SOX30: variants seen among roughly 807,000 people sequenced by gnomAD.
SOX30 encodes the protein SRY-box transcription factor 30, also known as transcription factor SOX-30.
A neutral mutation model predicts 58.6 loss-of-function variants in SOX30; 17 were observed. The ratio of observed to expected loss-of-function variants is 0.29; its 90% CI spans 0.20 to 0.44. The LOEUF is 0.44. SOX30 is among the 20% of genes least tolerant of loss of function. The pLI is 1.00. For missense variants in SOX30, 951 were observed against 965.8 expected (o/e 0.98, Z 0.20); for synonymous variants, 421 against 400.2 (o/e 1.05, Z -0.62).
chr5:157,657,082 T>C (rs1759486651), upstream of SOX30, among the ~76,000 whole-genome samples: 1 of 152,300 alleles, frequency 6.6e-6, no homozygotes, highest in Non-Finnish European at 1.5e-5. Context: ...ATTGGGTTTG[T>C]CATCAATAAT....
intron 4 of SOX30, among the ~76,000 whole-genome samples, chr5:157,627,235 T>C (rs1197395307): frequency 2.0e-5 from 3 of 152,028 alleles, no homozygotes; most frequent in Non-Finnish European, 2.9e-5. Flanking sequence ...TGGTGGTGCA[T>C]GCCTGTAGTC....
rs143161047 is a variant in SOX30 at position 157,668,881 on chromosome 5, T to C, written c.-3-1029A>G. Among the ~76,000 whole-genome samples, 325 of 152,090 alleles carry C rather than the reference T, an allele frequency of 2.1e-3. 2 individuals carry two copies. The highest frequency in any genetic ancestry group is 7.6e-3 in the African/African-American group (315 of 41,500). On this transcript the variant is annotated intron_variant, in intron 1 of 5. Coordinates refer to the SOX30 transcript ENST00000519442. ...AGGAAGGTGACTTGCCAAGGTCAGGTAAGGAATTAGTGGTAGATTTGGTAC... is the reference window on the plus strand; with the variant it reads ...AGGAAGGTGACTTGCCAAGGTCAGGCAAGGAATTAGTGGTAGATTTGGTAC...
At chr5:157,659,781 G>T (rs1204596462) in intron 2 of SOX30, among the ~76,000 whole-genome samples, 1 of 152,138 alleles carries the variant, frequency 6.6e-6, no homozygotes, top group African/African-American at 2.4e-5. Flanking sequence ...AGTCCAGAGA[G>T]GTGTGACAAC....
At chr5:157,657,617 A>G (rs957781754) in intron 2 of SOX30, among the ~76,000 whole-genome samples, 2 of 152,226 alleles carry the variant, frequency 1.3e-5, no homozygotes, top group African/African-American at 4.8e-5. Context: ...AACTTTGCTT[A>G]AAATGCTGCT....
intron 4 of SOX30, among the ~76,000 whole-genome samples, chr5:157,627,783 A>C (rs1179327813): frequency 6.6e-6 from 1 of 152,124 alleles, no homozygotes; most frequent in Admixed American, 6.6e-5. Flanking sequence ...TCACAAGGTC[A>C]GGAGATCGAG....
At position 157,652,344 on chromosome 5, in the gene SOX30, C is replaced by A. The variant is rs971199235; in HGVS notation, c.-266G>T. The A allele has an allele frequency of 6.7e-6, 8 of 1,196,910 alleles. No individual in the cohort carries two copies. Among genetic ancestry groups the A allele is most frequent in the African/African-American group, 6.3e-5 (4 of 63,660 alleles). 74.1% of individuals were successfully genotyped at this position (1,196,910 alleles called of 1,614,324 possible). On this transcript the variant is annotated 5_prime_UTR_variant, in exon 1 of 5. Transcript: ENST00000265007. ...AATCACCTGCCATGGTAGGAGCCGC[C>A]GCACTTGTTGCACATTTTCGTTCTG... is the stretch of plus-strand genomic sequence containing the variant.
At chr5:157,668,057 A>G (rs1759704223) in intron 1 of SOX30, among the ~76,000 whole-genome samples, 1 of 152,196 alleles carries the variant, frequency 6.6e-6, no homozygotes, top group Non-Finnish European at 1.5e-5. Flanking sequence ...TGCTCTTCCC[A>G]TGCCAGGCTG....
chr5:157,651,770 G>T lies in SOX30; in HGVS notation c.309C>A (p.Phe103Leu). Residue 103 changes from phenylalanine to leucine, a missense_variant, in exon 1 of 5, where the codon TTC becomes TTA. Phe to Leu is a conservative substitution (Grantham distance 22, BLOSUM62 0). This residue lies in a region of SOX30 where 363 missense variants were observed against 294.5 expected (regional missense o/e 1.23). Coordinates refer to ENST00000265007, the MANE Select transcript of SOX30 (RefSeq NM_178424.2). ...GCTGCAGGAGCCGCAGGTCGGGCCT[G>T]AACTGCAACAGCCGCGCCTGCGCGG... Reference protein sequence around the residue: ...ASSAQARLLQFRPDLRLLQPP... With the variant: ...ASSAQARLLQLRPDLRLLQPP... The T allele has an allele frequency of 6.4e-7, 1 of 1,560,884 alleles. No homozygotes were observed. Among genetic ancestry groups the T allele is most frequent in the South Asian group, 1.2e-5 (1 of 86,212 alleles).
chr5:157,639,487 C>G lies in SOX30; in HGVS notation c.1388-765G>C, dbSNP rs1050784078. ...ACGAAAGGAAATTTCCAAGTGAGAA[C>G]AGGACTTGCCACATGTCAACCACTG... On this transcript the variant is annotated intron_variant, in intron 3 of 4. Coordinates refer to ENST00000265007, the MANE Select transcript of SOX30 (RefSeq NM_178424.2). 3.9e-5 allele frequency among the ~76,000 whole-genome samples: 6 copies of G among 152,090 alleles called. No individual in the cohort carries two copies. In the East Asian group the frequency reaches 5.8e-4, roughly 15 times the overall value.
At chr5:157,628,355 T>C (rs1758710021) in intron 4 of SOX30, among the ~76,000 whole-genome samples, 1 of 137,046 alleles carries the variant, frequency 7.3e-6, no homozygotes, top group African/African-American at 3.1e-5. Flanking sequence ...AAGTGTTTCA[T>C]TTCTGGCCTT....
intron 2 of SOX30, among the ~76,000 whole-genome samples, chr5:157,666,488 C>G (rs904091549): frequency 8.4e-6 from 1 of 119,066 alleles, no homozygotes; most frequent in African/African-American, 5.9e-5. Context: ...GACACACACA[C>G]ACACACACAC....
intron 3 of SOX30, among the ~76,000 whole-genome samples, chr5:157,639,876 T>C (rs1054223582): frequency 1.3e-5 from 2 of 152,260 alleles, no homozygotes; most frequent in African/African-American, 4.8e-5. Flanking sequence ...CTCCTTTCTT[T>C]TCTCCAGATA....
rs1759698876 is a variant in SOX30 at position 157,667,755 on chromosome 5, TACATACATACACAC to T, written c.52+29_52+42del. The T allele has an allele frequency of 2.1e-6, 3 of 1,424,010 alleles. No homozygotes were observed. The African/African-American group carries it at 7.6e-5, about 36-fold the overall frequency. The allele number at this position is 1,424,010 out of a possible 1,614,324, so 88.2% of individuals were successfully genotyped here. A position where few individuals can be genotyped will look rare whatever the true frequency, so the allele number is the denominator to read the frequency against. On this transcript the variant is annotated intron_variant, in intron 2 of 5. Transcript: ENST00000519442. ...CTCCATCTCAGAATACATACATACA[TACATACATACACAC>T]ACACACACACACACACACACATACA...
rs896632032 is a variant in SOX30, at chr5:157,625,742, T to A, written c.*598A>T. 2 of 152,544 alleles carry A rather than the reference T, an allele frequency of 1.3e-5. No homozygotes were observed. Among genetic ancestry groups the A allele is most frequent in the Non-Finnish European group, 2.9e-5 (2 of 68,008 alleles). The allele number at this position is 152,544 out of a possible 1,614,324, so 9.4% of individuals were successfully genotyped here. On this transcript the variant is annotated 3_prime_UTR_variant, in exon 5 of 5. Transcript: ENST00000265007. ...CGATGTATGCCAAATGGAAAAAAAA[T>A]ATTTTAAAATGATAAAAATATTTAG...
At position 157,635,628 on chromosome 5, in the gene SOX30, A is replaced by AAAGAAC. The variant is rs1554088163; in HGVS notation, c.1880+2601_1880+2602insGTTCTT. On this transcript the variant is annotated intron_variant, in intron 4 of 4. Transcript: ENST00000265007. ...GACAGAGCAAGACTCTGTCTCAAAA[A>AAAGAAC]AAAAACAAAAACAAAAACAAAGAAC... Among the ~76,000 whole-genome samples, 32 of 151,806 alleles carry AAAGAAC rather than the reference A, an allele frequency of 2.1e-4. 1 individual carries two copies. The South Asian group carries it at 6.5e-3, about 31-fold the overall frequency.
intron 2 of SOX30, among the ~76,000 whole-genome samples, chr5:157,658,633 A>T (rs933331160): frequency 6.6e-6 from 1 of 152,228 alleles, no homozygotes; most frequent in Non-Finnish European, 1.5e-5. Context: ...CTCATAGTTA[A>T]GCAAGAATAT....
intron 2 of SOX30, among the ~76,000 whole-genome samples, chr5:157,664,735 G>A (rs1245201786): frequency 1.3e-5 from 2 of 152,230 alleles, no homozygotes; most frequent in African/African-American, 4.8e-5. Flanking sequence ...AATCTACAGA[G>A]AACTTAAACA....
chr5:157,646,399 T>G (rs1024844410), intron 3 of SOX30, among the ~76,000 whole-genome samples: 3 of 152,186 alleles, frequency 2.0e-5, no homozygotes, highest in Non-Finnish European at 1.5e-5. Flanking sequence ...CTCATCCTGA[T>G]TTGCTTAAAA....
At chr5:157,630,274 A>G (rs1561578061) in intron 4 of SOX30, among the ~76,000 whole-genome samples, 1 of 152,190 alleles carries the variant, frequency 6.6e-6, no homozygotes. Context: ...TAAACTGTCT[A>G]TTAAGTCCAA....
Sources: allele counts gnomAD v4.1 joint callset (sites outside exome capture counted in the v4.1 genomes callset), GRCh38; gene constraint gnomAD v4.1.1; regional missense constraint gnomAD v4.1.1; transcripts MANE v1.5; gene names NCBI Gene and HGNC (gene_info 2026-07-23, HGNC 2026-07-21).